Variants in ANKRD42 observed in about 807,000 individuals in gnomAD.
ANKRD42 encodes the protein ankyrin repeat domain-containing protein 42.
In ANKRD42, 43 loss-of-function variants were observed where a neutral mutation model predicts 51.5. That is an observed-to-expected ratio of 0.83 (90% CI 0.65 to 1.08). The LOEUF is 1.08. Ranked by LOEUF, ANKRD42 falls within the 50% of genes least tolerant of loss-of-function variation. ANKRD42 has a pLI of 0.00. For missense variants in ANKRD42, 608 were observed against 629.3 expected (o/e 0.97, Z 0.36); for synonymous variants, 203 against 213.0 (o/e 0.95, Z 0.41).
rs1161579066 is a variant in ANKRD42, at chr11:83,228,229, CTCTTTTTT to C, written c.913+359_913+366del. 1.2e-3 allele frequency among the ~76,000 whole-genome samples: 48 copies of C among 41,112 alleles called. 1 individual carries two copies. Among genetic ancestry groups the C allele is most frequent in the African/African-American group, 6.7e-3 (48 of 7,216 alleles). 27.0% of individuals were successfully genotyped at this position (41,112 alleles called of 152,430 possible). A position where few individuals can be genotyped will look rare whatever the true frequency, so the allele number is the denominator to read the frequency against. On this transcript the variant is annotated intron_variant, in intron 7 of 10. Coordinates refer to ENST00000533342, the MANE Select transcript of ANKRD42 (RefSeq NM_001300975.2). ...TAAAATAGAAATCATCCCTCTCTCT[CTCTTTTTT>C]TTTTTTTTTTTTTTTTTTTTTTTTT...
At chr11:83,258,457 G>T (rs555173021), downstream of ANKRD42, among the ~76,000 whole-genome samples, 28 of 152,142 alleles carry the variant, frequency 1.8e-4, no homozygotes, top group Non-Finnish European at 3.5e-4. Flanking sequence ...TATATTGAGT[G>T]ACAGCATGAG....
downstream of ANKRD42, among the ~76,000 whole-genome samples, chr11:83,262,536 A>T (rs1166029509): frequency 2.0e-5 from 3 of 152,186 alleles, no homozygotes; most frequent in Non-Finnish European, 4.4e-5. Context: ...ATAAAAAAAA[A>T]TTCAGTTTTC....
At chr11:83,203,709 C>T (rs936712583) in intron 2 of ANKRD42, among the ~76,000 whole-genome samples, 2 of 152,092 alleles carry the variant, frequency 1.3e-5, no homozygotes, top group African/African-American at 4.8e-5. Context: ...TTTACTTGAG[C>T]ACTACGTTAA....
At chr11:83,196,394 TGA>T (rs1468402603) in intron 1 of ANKRD42, among the ~76,000 whole-genome samples, 1,476 of 117,738 alleles carry the variant, frequency 0.013, 23 homozygotes, top group African/African-American at 0.048. Context: ...TGTGAGTGTG[TGA>T]GAGTGTGTGT....
At chr11:83,212,186 G>A (rs78218822) in intron 5 of ANKRD42, among the ~76,000 whole-genome samples, 8,919 of 151,958 alleles carry the variant, frequency 0.059, 868 homozygotes, top group African/African-American at 0.2. Context: ...CAGTTCAAGC[G>A]ATTCTTATGC....
At chr11:83,196,841 A>G (rs894149614) in intron 1 of ANKRD42, among the ~76,000 whole-genome samples, 2 of 152,224 alleles carry the variant, frequency 1.3e-5, no homozygotes, top group African/African-American at 4.8e-5. Flanking sequence ...ATGGGAGGCC[A>G]TAGAGGTCAT....
chr11:83,262,010 T>A, downstream of ANKRD42: 1 of 1,327,346 alleles, frequency 7.5e-7, no homozygotes, highest in Non-Finnish European at 1.1e-6. Flanking sequence ...TATCTGTAAT[T>A]ATTTTGCAGA....
chr11:83,207,317 A>G (rs1034857158), intron 3 of ANKRD42, among the ~76,000 whole-genome samples: 2 of 152,256 alleles, frequency 1.3e-5, no homozygotes, highest in Non-Finnish European at 2.9e-5. Context: ...AACACAGCCA[A>G]TGTACATCAC....
chr11:83,209,858 C>G (rs613175), intron 3 of ANKRD42: 178,548 of 493,452 alleles, frequency 0.36, 33,997 homozygotes, highest in East Asian at 0.59. Flanking sequence ...ACAGCCTCAG[C>G]TGAATATGAC....
intron 2 of ANKRD42, among the ~76,000 whole-genome samples, chr11:83,200,295 G>A (rs1003463606): frequency 1.3e-5 from 2 of 149,100 alleles, no homozygotes; most frequent in African/African-American, 4.9e-5. Context: ...CTACTTTACA[G>A]TTTCTCCAGT....
intron 8 of ANKRD42, among the ~76,000 whole-genome samples, chr11:83,237,514 AG>A (rs1863259373): frequency 6.6e-6 from 1 of 152,234 alleles, no homozygotes; most frequent in South Asian, 2.1e-4. Flanking sequence ...AATCTAAACT[AG>A]GAGTGTGGGC....
chr11:83,220,134 AGACTAAGAC>A (rs1862672289), intron 5 of ANKRD42, among the ~76,000 whole-genome samples: 1 of 152,170 alleles, frequency 6.6e-6, no homozygotes, highest in Non-Finnish European at 1.5e-5. Context: ...GATATCTGGG[AGACTAAGAC>A]GTCCGCTGAG....
intron 3 of ANKRD42, among the ~76,000 whole-genome samples, chr11:83,208,365 TTG>T (rs747551565): frequency 0.023 from 3,490 of 150,272 alleles, 126 homozygotes; most frequent in African/African-American, 0.072. Context: ...GTGTGTGTGT[TTG>T]TGTGTGTGTG....
chr11:83,254,417 GTTTTTCTTTTTTCT>G (rs1369063248), intron 11 of ANKRD42, among the ~76,000 whole-genome samples: 1 of 141,874 alleles, frequency 7.0e-6, no homozygotes, highest in African/African-American at 2.7e-5. Context: ...CCACCTGAGT[GTTTTTCTTTTTTCT>G]TTTCTTTTTT....
At chr11:83,209,943 G>T in intron 3 of ANKRD42, 1 of 373,384 alleles carries the variant, frequency 2.7e-6, no homozygotes, top group Non-Finnish European at 4.9e-6. Flanking sequence ...TGAGACTGTG[G>T]CTGTTACAGG....
At chr11:83,250,271 G>A (rs1484025674), downstream of ANKRD42, among the ~76,000 whole-genome samples, 3 of 152,004 alleles carry the variant, frequency 2.0e-5, no homozygotes, top group African/African-American at 7.3e-5. Flanking sequence ...AATTTTTACT[G>A]AGAAAAAAAA....
chr11:83,198,825 G>A lies in ANKRD42; in HGVS notation c.222+183G>A, dbSNP rs1036829380. On this transcript the variant is annotated intron_variant, in intron 2 of 10. Coordinates refer to ENST00000533342, the MANE Select transcript of ANKRD42 (RefSeq NM_001300975.2). ...TTATAACAAATTATCCTAAAATTTA[G>A]CATAATAAACTAATGATTTATTTAT... 9.9e-5 allele frequency among the ~76,000 whole-genome samples: 15 copies of A among 152,112 alleles called. No individual in the cohort carries two copies. In the East Asian group the frequency reaches 2.5e-3, roughly 25 times the overall value.
exon 12 of ANKRD42, chr11:83,256,050 T>A: frequency 1.5e-6 from 1 of 687,868 alleles, no homozygotes. Context: ...CTGTTCCAAT[T>A]CTGATGGCAG....
At chr11:83,212,599 AG>A in intron 5 of ANKRD42, 1 of 1,360,194 alleles carries the variant, frequency 7.4e-7, no homozygotes, top group Non-Finnish European at 1.0e-6. Context: ...AAACACACAA[AG>A]GGGAAGGGCA....
Sources: gnomAD v4.1 joint callset for allele counts (sites outside exome capture counted in the v4.1 genomes callset) on GRCh38, gnomAD v4.1.1 for gene constraint, MANE v1.5 for transcripts, NCBI Gene and HGNC (gene_info 2026-07-23, HGNC 2026-07-21) for gene names.